The following CTCFL variants were observed in gnomAD, a reference collection of about 807,000 sequenced individuals.
The protein encoded by CTCFL is CCCTC-binding factor like.
Under a neutral mutation model 67.4 loss-of-function variants are expected in CTCFL, and 36 were observed. The ratio of observed to expected loss-of-function variants is 0.53; its 90% CI spans 0.41 to 0.71. The LOEUF is 0.71. Ranked by LOEUF, CTCFL falls within the 30% of genes least tolerant of loss-of-function variation. CTCFL has a pLI of 0.00. For synonymous variants in CTCFL, 324 were observed against 302.3 expected, an observed-to-expected ratio of 1.07 and a Z score of -0.75; for missense variants, 786 against 835.2, an observed-to-expected ratio of 0.94 and a Z score of 0.73.
chr20:57,514,444 A>G (rs1355112862), intron 7 of CTCFL, 148 bp downstream of exon 7: 2 of 870,798 alleles, frequency 2.3e-6, no homozygotes, highest in East Asian at 4.9e-5. Flanking sequence ...ATGGTGCGAC[A>G]GGACTTCTGG....
intron 9 of CTCFL, among the ~76,000 whole-genome samples, chr20:57,505,328 T>A (rs2068143367): frequency 6.6e-6 from 1 of 151,792 alleles, no homozygotes; most frequent in Non-Finnish European, 1.5e-5. Flanking sequence ...CGATCTCTGC[T>A]CACTGCAAGC....
At chr20:57,518,679 T>C (rs1340058350) in intron 5 of CTCFL, 79 bp downstream of exon 5, 3 of 1,611,084 alleles carry the variant, frequency 1.9e-6, no homozygotes, top group Non-Finnish European at 2.5e-6. Flanking sequence ...CAGATTCTAC[T>C]GTTAGTTACA....
chr20:57,508,878 C>A, intron 8 of CTCFL, 90 bp from the exon 9 acceptor site: 1 of 1,206,298 alleles, frequency 8.3e-7, no homozygotes, highest in Non-Finnish European at 1.2e-6. Context: ...CTTTTATTTC[C>A]CTCCCCAAAG....
chr20:57,513,171 G>C, intron 7 of CTCFL: 3 of 839,710 alleles, frequency 3.6e-6, no homozygotes, highest in Non-Finnish European at 4.3e-6. Flanking sequence ...CTATTATGGG[G>C]TAGGTGAATT....
At chr20:57,519,042 G>A in intron 4 of CTCFL, 151 bp from the exon 5 acceptor site, 2 of 1,211,628 alleles carry the variant, frequency 1.7e-6, no homozygotes, top group South Asian at 1.6e-5. Flanking sequence ...ATGCATGTGA[G>A]AAAAATCTTT....
chr20:57,523,772 G>C lies in CTCFL; in HGVS notation c.434C>G (p.Pro145Arg). The C allele has an allele frequency of 6.2e-7, 1 of 1,613,328 alleles. No homozygotes were observed. The highest frequency in any genetic ancestry group is 8.5e-7 in the Non-Finnish European group (1 of 1,180,030). ...GAACTGCAACACCTCCATCTCTTGCGGGGAGTACAGCTCTTGCTGGATACT... is the reference window on the plus strand; with the variant it reads ...GAACTGCAACACCTCCATCTCTTGCCGGGAGTACAGCTCTTGCTGGATACT... ...AISIQQELYS[P>R]QEMEVLQFHA... is the part of the protein sequence containing the mutation. Residue 145 changes from proline (P) to arginine (R), a missense_variant, in exon 2 of 11, where the codon CCG becomes CGG. Physicochemically the swap from Pro to Arg is moderately radical, Grantham distance 103 (BLOSUM62 -2). Transcript: ENST00000243914.
intron 10 of CTCFL, among the ~76,000 whole-genome samples, chr20:57,500,866 A>G (rs1357186658): frequency 1.3e-5 from 2 of 152,210 alleles, no homozygotes; most frequent in South Asian, 2.1e-4. Context: ...AAACCAAACA[A>G]AAACAAAACA....
At chr20:57,505,058 A>G (rs1209116062) in intron 9 of CTCFL, among the ~76,000 whole-genome samples, 1 of 151,836 alleles carries the variant, frequency 6.6e-6, no homozygotes, top group Non-Finnish European at 1.5e-5. Context: ...GGCTTCCCCA[A>G]AGGCACTGAA....
At chr20:57,518,062 G>A in intron 5 of CTCFL, among the ~76,000 whole-genome samples, 1 of 152,186 alleles carries the variant, frequency 6.6e-6, no homozygotes, top group African/African-American at 2.4e-5. Flanking sequence ...ATCATCAGCT[G>A]TTCCCTTTAA....
chr20:57,498,565 G>A lies in CTCFL; in HGVS notation c.1977C>T (p.Asn659=). The A allele has an allele frequency of 6.2e-7, 1 of 1,613,764 alleles. No homozygotes were observed. Among genetic ancestry groups the A allele is most frequent in the Non-Finnish European group, 8.5e-7 (1 of 1,179,856 alleles). The change falls in exon 11 of 11, where the codon AAC becomes AAT. Residue 659 remains asparagine, a synonymous_variant. Transcript: ENST00000243914. ...DEGVTCEMLL[N]TMDK is the part of the protein sequence containing the mutation. ...CGAATCCCTCTCACTTATCCATCGTGTTGAGGAGCATTTCACAGGTCACGC... is the reference window on the plus strand; with the variant it reads ...CGAATCCCTCTCACTTATCCATCGTATTGAGGAGCATTTCACAGGTCACGC...
Position 57,498,049 on chromosome 20 carries a change from T to A in CTCFL, c.*501A>T. On this transcript the variant is annotated 3_prime_UTR_variant, in exon 11 of 11. Coordinates refer to ENST00000243914, the MANE Select transcript of CTCFL (RefSeq NM_001386993.1). ...TAGAAAATTCATTTGTATAAAAACA[T>A]TTGTCTTTAATGTTTAAAACCATAT... is the stretch of plus-strand genomic sequence containing the variant. The A allele has an allele frequency of 1.1e-6, 1 of 897,778 alleles. No homozygotes were observed. The highest frequency in any genetic ancestry group is 1.3e-6 in the Non-Finnish European group (1 of 750,208). 55.6% of individuals were successfully genotyped at this position (897,778 alleles called of 1,614,324 possible).
intron 8 of CTCFL, 54 bp downstream of exon 8, chr20:57,512,538 G>T: frequency 6.4e-7 from 1 of 1,560,542 alleles, no homozygotes; most frequent in Non-Finnish European, 8.8e-7. Flanking sequence ...ATCCCACCCA[G>T]CCCTCCATTC....
At chr20:57,514,490 CG>C (rs2068772854) in intron 7 of CTCFL, 101 bp downstream of exon 7, 1 of 1,386,198 alleles carries the variant, frequency 7.2e-7, no homozygotes, top group Non-Finnish European at 9.9e-7. Context: ...TCCCGAAGAC[CG>C]GGCCTCCCAG....
At chr20:57,510,186 A>G (rs1038394014) in intron 8 of CTCFL, among the ~76,000 whole-genome samples, 1 of 152,228 alleles carries the variant, frequency 6.6e-6, no homozygotes, top group African/African-American at 2.4e-5. Context: ...ACTTTGAAGC[A>G]GTGTTTTGGT....
intron 2 of CTCFL, 46 bp from the exon 3 acceptor site, chr20:57,523,324 T>A: frequency 6.5e-7 from 1 of 1,540,554 alleles, no homozygotes; most frequent in Non-Finnish European, 8.9e-7. Flanking sequence ...GATTTCAGTA[T>A]AATTAGACTT....
At chr20:57,512,269 G>A (rs1172999523) in intron 8 of CTCFL, among the ~76,000 whole-genome samples, 2 of 152,156 alleles carry the variant, frequency 1.3e-5, no homozygotes, top group African/African-American at 2.4e-5. Context: ...GCCTTGATCC[G>A]GGCTAAGGAC....
At chr20:57,518,439 G>C (rs2069089814) in intron 5 of CTCFL, 1 of 1,124,654 alleles carries the variant, frequency 8.9e-7, no homozygotes, top group East Asian at 2.8e-5. Context: ...AATACATTTT[G>C]ATTTTGTGGC....
chr20:57,503,554 C>T lies in CTCFL; in HGVS notation c.1722G>A (p.Lys574=). 6.2e-7 allele frequency: 1 copy of T among 1,614,152 alleles called. No homozygotes were observed. Among genetic ancestry groups the T allele is most frequent in the Non-Finnish European group, 8.5e-7 (1 of 1,180,020 alleles). The change falls in exon 10 of 11, where the codon AAG becomes AAA. Residue 574 remains lysine, a synonymous_variant. Coordinates refer to ENST00000243914, the MANE Select transcript of CTCFL (RefSeq NM_001386993.1). ...TTCTTCCCTTTCCTGAAGCAGCCGA[C>T]TTTGCTTCCCCTGATCCACACTTCT... The part of the protein sequence containing the change: ...HSEKCGSGEA[K]SAASGKGRRT...
intron 7 of CTCFL, chr20:57,513,898 C>G: frequency 7.8e-7 from 1 of 1,288,958 alleles, no homozygotes; most frequent in Non-Finnish European, 1.0e-6. Context: ...GGCTCGTTCA[C>G]TCACGCTTCC....
Sources: allele counts gnomAD v4.1 joint callset (sites outside exome capture counted in the v4.1 genomes callset), GRCh38; gene constraint gnomAD v4.1.1; transcripts MANE v1.5; gene names NCBI Gene and HGNC (gene_info 2026-07-23, HGNC 2026-07-21).